The following ZRANB3 variants were observed in gnomAD, a reference collection of about 807,000 sequenced individuals.
The protein encoded by ZRANB3 is DNA annealing helicase and endonuclease ZRANB3.
In ZRANB3, 125 loss-of-function variants were observed where a neutral mutation model predicts 133.8. The observed-to-expected ratio is 0.93, with a 90% CI of 0.81 to 1.08. The LOEUF (loss-of-function observed/expected upper bound fraction) is 1.08, where lower values mean the gene tolerates loss of function less well. ZRANB3 is among the 50% of genes least tolerant of loss of function. The pLI, the probability that ZRANB3 is intolerant of heterozygous loss-of-function variation, is 0.00. For synonymous variants in ZRANB3, 387 were observed against 432.7 expected (o/e 0.89, Z 1.31); for missense variants, 1,229 against 1,275.5 (o/e 0.96, Z 0.56).
At chr2:135,450,540 T>C (rs541305757) in intron 2 of ZRANB3, among the ~76,000 whole-genome samples, 109 of 152,250 alleles carry the variant, frequency 7.2e-4, no homozygotes, top group African/African-American at 2.4e-3. Context: ...AGCCTTCTCA[T>C]ACTGCTTTTA....
intron 3 of ZRANB3, among the ~76,000 whole-genome samples, chr2:135,354,455 A>C (rs944246661): frequency 2.0e-4 from 31 of 152,194 alleles, no homozygotes; most frequent in African/African-American, 7.5e-4. Context: ...AGCTGTTCCA[A>C]TTTAAAAAGT....
chr2:135,495,189 T>C (rs1022716297), intron 2 of ZRANB3, among the ~76,000 whole-genome samples: 2 of 152,156 alleles, frequency 1.3e-5, no homozygotes, highest in East Asian at 1.9e-4. Flanking sequence ...GATTGTGCCA[T>C]TGCACTCCAG....
At chr2:135,445,494 C>G (rs538704622) in intron 2 of ZRANB3, among the ~76,000 whole-genome samples, 1 of 151,824 alleles carries the variant, frequency 6.6e-6, no homozygotes, top group African/African-American at 2.4e-5. Flanking sequence ...GTAATAAGAA[C>G]GATCAATAGA....
At chr2:135,336,598 G>C (rs1445569165) in intron 6 of ZRANB3, among the ~76,000 whole-genome samples, 1 of 152,208 alleles carries the variant, frequency 6.6e-6, no homozygotes, top group African/African-American at 2.4e-5. Context: ...AATGCCTTTT[G>C]AGAAGCATGA....
intron 19 of ZRANB3, among the ~76,000 whole-genome samples, chr2:135,204,832 G>C (rs1018904694): frequency 3.2e-4 from 47 of 147,084 alleles, no homozygotes; most frequent in African/African-American, 1.2e-3. Context: ...TACCCAATTC[G>C]AGCCTATTGT....
intron 12 of ZRANB3, among the ~76,000 whole-genome samples, chr2:135,238,520 C>T (rs1263982459): frequency 1.3e-5 from 2 of 151,766 alleles, no homozygotes; most frequent in Non-Finnish European, 1.5e-5. Flanking sequence ...TTCACTATCA[C>T]GCCCAGCTAA....
chr2:135,320,560 AAAG>A (rs1447051680), intron 6 of ZRANB3, among the ~76,000 whole-genome samples: 5 of 152,202 alleles, frequency 3.3e-5, no homozygotes, highest in Non-Finnish European at 7.3e-5. Context: ...TTCTAAATTG[AAAG>A]AATAAACATA....
chr2:135,221,232 A>T (rs770749936), intron 15 of ZRANB3, among the ~76,000 whole-genome samples: 19 of 152,180 alleles, frequency 1.2e-4, no homozygotes, highest in Non-Finnish European at 2.2e-4. Flanking sequence ...ATATGTCAAC[A>T]ACTCATCTGC....
chr2:135,361,332 A>G (rs1685686048), intron 3 of ZRANB3, among the ~76,000 whole-genome samples: 1 of 152,252 alleles, frequency 6.6e-6, no homozygotes, highest in African/African-American at 2.4e-5. Flanking sequence ...CTACATAAGA[A>G]TTAAATAGAA....
In ZRANB3 at chr2:135,198,451, G is replaced by T. The variant is rs763689470; in HGVS notation, c.*1891C>A. On this transcript the variant is annotated 3_prime_UTR_variant, in exon 21 of 21. Coordinates refer to ENST00000264159, the MANE Select transcript of ZRANB3 (RefSeq NM_032143.4). ...ACAGCAAATGCTCAATGCTCCTTAC[G>T]GCATTTTTAATTAGTCAGAATTCTG... The T allele has an allele frequency of 6.6e-6, 1 of 152,186 alleles. No homozygotes were observed. Among genetic ancestry groups the T allele is most frequent in the African/African-American group, 2.4e-5 (1 of 41,442 alleles). 9.4% of individuals were successfully genotyped at this position (152,186 alleles called of 1,614,324 possible). A position where few individuals can be genotyped will look rare whatever the true frequency, so the allele number is the denominator to read the frequency against.
rs191216876 is a variant in ZRANB3 at position 135,403,352 on chromosome 2, A to T, written c.162-12532T>A. Among the ~76,000 whole-genome samples, 27 of 152,316 alleles carry T rather than the reference A, an allele frequency of 1.8e-4. 1 individual carries two copies. The East Asian group carries it at 5.2e-3, about 29-fold the overall frequency. On this transcript the variant is annotated intron_variant, in intron 2 of 20. Transcript: ENST00000264159. ...GTCCTCCGCCCACAGAGCCTCGCTC[A>T]TTGCTAGCACAGCAGTCTGAGATCC...
At chr2:135,518,607 A>G (rs1287984073) in intron 1 of ZRANB3, among the ~76,000 whole-genome samples, 2 of 152,020 alleles carry the variant, frequency 1.3e-5, no homozygotes, top group Non-Finnish European at 2.9e-5. Context: ...ACCAGTCTCA[A>G]TGAGATGAGC....
At chr2:135,519,891 C>T (rs1251011875) in intron 1 of ZRANB3, among the ~76,000 whole-genome samples, 1 of 152,044 alleles carries the variant, frequency 6.6e-6, no homozygotes, top group African/African-American at 2.4e-5. Flanking sequence ...CATCAAAGTT[C>T]ATACTTCAAC....
chr2:135,386,809 A>G (rs913062085), intron 3 of ZRANB3, among the ~76,000 whole-genome samples: 10 of 152,100 alleles, frequency 6.6e-5, no homozygotes, highest in African/African-American at 2.4e-4. Flanking sequence ...AATTGGCCAC[A>G]GGGCAGGGAA....
intron 1 of ZRANB3, among the ~76,000 whole-genome samples, chr2:135,508,385 C>G (rs1038895448): frequency 6.6e-6 from 1 of 152,172 alleles, no homozygotes; most frequent in Non-Finnish European, 1.5e-5. Flanking sequence ...GATCTGCCCG[C>G]CTCTGCCTCC....
intron 1 of ZRANB3, among the ~76,000 whole-genome samples, chr2:135,516,518 A>G (rs1693705237): frequency 6.6e-6 from 1 of 152,130 alleles, no homozygotes; most frequent in Admixed American, 6.5e-5. Context: ...TTTCACCTTC[A>G]CTTTTGAAGC....
chr2:135,214,687 C>T (rs565018921), intron 17 of ZRANB3, among the ~76,000 whole-genome samples: 6 of 152,092 alleles, frequency 3.9e-5, no homozygotes, highest in South Asian at 2.1e-4. Flanking sequence ...TATATGTGTG[C>T]GTGTGTGCAC....
Position 135,296,073 on chromosome 2 carries a change from G to A in ZRANB3, c.966+17416C>T, listed in dbSNP as rs184843230. On this transcript the variant is annotated intron_variant, in intron 8 of 20. Coordinates refer to ENST00000264159, the MANE Select transcript of ZRANB3 (RefSeq NM_032143.4). The stretch of plus-strand genomic sequence containing the variant: ...TGTGTATCTTGGAGTTGCTGTTCTC[G>A]AGGAGCATCTTTGTGGCGTTCTCTG... Among the ~76,000 whole-genome samples the A allele has an allele frequency of 3.2e-3, 480 of 152,178 alleles. 4 individuals carry two copies. Among genetic ancestry groups the A allele is most frequent in the African/African-American group, 0.011 (458 of 41,512 alleles).
intron 3 of ZRANB3, among the ~76,000 whole-genome samples, chr2:135,388,696 A>C (rs1032510179): frequency 6.6e-6 from 1 of 152,138 alleles, no homozygotes. Flanking sequence ...CTATTTGTTG[A>C]AAACATATTC....
Sources: gnomAD v4.1 joint callset for allele counts (sites outside exome capture counted in the v4.1 genomes callset) on GRCh38, gnomAD v4.1.1 for gene constraint, MANE v1.5 for transcripts, NCBI Gene and HGNC (gene_info 2026-07-23, HGNC 2026-07-21) for gene names.